The following MCF2L2 variants were observed in gnomAD, a reference collection of about 807,000 sequenced individuals.
MCF2L2 encodes MCF.2 cell line derived transforming sequence-like 2.
A neutral mutation model predicts 150.2 loss-of-function variants in MCF2L2; 102 were observed. The observed-to-expected ratio is 0.68, with a 90% CI of 0.58 to 0.80. MCF2L2 has a LOEUF of 0.80. Ranked by LOEUF, MCF2L2 falls within the 30% of genes least tolerant of loss-of-function variation. The pLI is 0.00. For synonymous variants in MCF2L2, 465 were observed against 491.3 expected (o/e 0.95, Z 0.71); for missense variants, 1,256 against 1,372.8 (o/e 0.91, Z 1.34).
At chr3:183,418,422 T>C (rs75678117) in intron 1 of MCF2L2, among the ~76,000 whole-genome samples, 23,111 of 152,096 alleles carry the variant, frequency 0.15, 2,679 homozygotes, top group African/African-American at 0.33. Flanking sequence ...CAAAACCAAT[T>C]ATGTCTTCCC....
Position 183,295,376 on chromosome 3 carries a change from T to C in MCF2L2, c.1599A>G (p.Pro533=), listed in dbSNP as rs1728438485. 1.2e-6 allele frequency: 2 copies of C among 1,614,072 alleles called. No individual in the cohort carries two copies. Among genetic ancestry groups the C allele is most frequent in the Non-Finnish European group, 1.7e-6 (2 of 1,179,972 alleles). Residue 533 remains proline (P), a synonymous_variant, in exon 13 of 30, where the codon CCA becomes CCG. Transcript: ENST00000328913. ...CAGGATGTGGGGCCACAGGTTGCACTGGACGAGTCTGTTTGGCTGCCAGTT... is the reference window on the plus strand; with the variant it reads ...CAGGATGTGGGGCCACAGGTTGCACCGGACGAGTCTGTTTGGCTGCCAGTT... The part of the protein sequence containing the change: ...LMKLAAKQTR[P]VQPVAPHPES...
At chr3:183,373,145 G>A (rs1415540967) in intron 3 of MCF2L2, 3 of 152,212 alleles carry the variant, frequency 2.0e-5, no homozygotes, top group Non-Finnish European at 1.5e-5. Context: ...ATTGTTATAA[G>A]CTGGACTGTG....
intron 14 of MCF2L2, among the ~76,000 whole-genome samples, chr3:183,286,032 G>A (rs1577024609): frequency 6.6e-6 from 1 of 152,194 alleles, no homozygotes; most frequent in Non-Finnish European, 1.5e-5. Context: ...GATGACGTCA[G>A]TGAGCCAAGT....
intron 5 of MCF2L2, among the ~76,000 whole-genome samples, chr3:183,332,214 T>G (rs996466072): frequency 6.6e-6 from 1 of 152,198 alleles, no homozygotes; most frequent in African/African-American, 2.4e-5. Context: ...AACTTCAGAC[T>G]CTGCCGTTTC....
At position 183,331,407 on chromosome 3, in the gene MCF2L2, C is replaced by T. The variant is rs192512278; in HGVS notation, c.486+7393G>A. 1.4e-4 allele frequency among the ~76,000 whole-genome samples: 21 copies of T among 152,270 alleles called. No individual in the cohort carries two copies. The East Asian group carries it at 4.0e-3, about 29-fold the overall frequency. Reference sequence around the variant, plus strand: ...TCCAAGCCTGTCTCTTCCTGTGGCCCCACCAACTTTACCATACGTGCATAT... The same window carrying T: ...TCCAAGCCTGTCTCTTCCTGTGGCCTCACCAACTTTACCATACGTGCATAT... On this transcript the variant is annotated intron_variant, in intron 5 of 29. Coordinates refer to ENST00000328913, the MANE Select transcript of MCF2L2 (RefSeq NM_015078.4).
intron 9 of MCF2L2, chr3:183,310,501 CA>C (rs770149863): frequency 5.8e-3 from 1,424 of 243,524 alleles, no homozygotes; most frequent in South Asian, 0.014. Context: ...GACTCCAACT[CA>C]AAAAAAAAAT....
At chr3:183,253,332 G>GC in intron 15 of MCF2L2, 1 of 150,108 alleles carries the variant, frequency 6.7e-6, no homozygotes, top group Non-Finnish European at 1.5e-5. Context: ...TTTAAAGCCC[G>GC]CAAGTTTTGT....
At chr3:183,318,415 A>C (rs1729685571) in intron 6 of MCF2L2, among the ~76,000 whole-genome samples, 198 bp from the exon 7 acceptor site, 2 of 152,284 alleles carry the variant, frequency 1.3e-5, no homozygotes, top group East Asian at 3.9e-4. Context: ...AGTTGACCAA[A>C]TGACTTTGGA....
chr3:183,335,240 T>C (rs1450346426), intron 5 of MCF2L2, among the ~76,000 whole-genome samples: 1 of 152,078 alleles, frequency 6.6e-6, no homozygotes, highest in Non-Finnish European at 1.5e-5. Context: ...CTTCTACATA[T>C]ATCTTGTATA....
chr3:183,359,447 T>A (rs1711995256), intron 3 of MCF2L2, among the ~76,000 whole-genome samples: 1 of 152,216 alleles, frequency 6.6e-6, no homozygotes, highest in Non-Finnish European at 1.5e-5. Context: ...ATTTTCTTAT[T>A]CTTTAACAAC....
At chr3:183,300,612 A>G (rs1161782203) in intron 10 of MCF2L2, among the ~76,000 whole-genome samples, 1 of 152,206 alleles carries the variant, frequency 6.6e-6, no homozygotes, top group Admixed American at 6.5e-5. Context: ...CTAAAGGAAC[A>G]AGAAGAGGGA....
chr3:183,290,145 C>T (rs1260976630), intron 13 of MCF2L2, among the ~76,000 whole-genome samples: 1 of 152,182 alleles, frequency 6.6e-6, no homozygotes, highest in African/African-American at 2.4e-5. Flanking sequence ...TCCTTACAGT[C>T]TTCTTTCAAA....
At chr3:183,352,972 T>C (rs1447282839) in intron 3 of MCF2L2, among the ~76,000 whole-genome samples, 1 of 152,178 alleles carries the variant, frequency 6.6e-6, no homozygotes, top group African/African-American at 2.4e-5. Context: ...CAGAAAATGT[T>C]CGATATGTTA....
chr3:183,310,658 G>C, intron 9 of MCF2L2: 1 of 402,744 alleles, frequency 2.5e-6, no homozygotes, highest in South Asian at 2.7e-5. Flanking sequence ...GCAAGACCCT[G>C]TTTCAAAAAA....
intron 1 of MCF2L2, among the ~76,000 whole-genome samples, chr3:183,397,862 A>G (rs1041668450): frequency 6.6e-6 from 1 of 152,314 alleles, no homozygotes; most frequent in South Asian, 2.1e-4. Context: ...GTTGCAAATG[A>G]CCATTAATAG....
chr3:183,386,888 G>A (rs563922431), intron 2 of MCF2L2, among the ~76,000 whole-genome samples: 337 of 152,282 alleles, frequency 2.2e-3, no homozygotes, highest in African/African-American at 7.7e-3. Flanking sequence ...AGAGACCCAC[G>A]GCTGCCGCTA....
chr3:183,288,012 G>A (rs1358468665), intron 14 of MCF2L2: 1 of 152,202 alleles, frequency 6.6e-6, no homozygotes, highest in Admixed American at 6.5e-5. Context: ...TAGTGAGGCA[G>A]GGGAAAGGGA....
At chr3:183,365,964 C>CAT (rs1293625299) in intron 3 of MCF2L2, among the ~76,000 whole-genome samples, 2 of 151,374 alleles carry the variant, frequency 1.3e-5, no homozygotes, top group Non-Finnish European at 2.9e-5. Flanking sequence ...CAATTCAGTA[C>CAT]ATATATATAT....
intron 6 of MCF2L2, among the ~76,000 whole-genome samples, chr3:183,321,689 A>G (rs889829539): frequency 6.6e-6 from 1 of 152,198 alleles, no homozygotes; most frequent in African/African-American, 2.4e-5. Flanking sequence ...GTGTGTGTAT[A>G]AAAAATATAT....
Sources: gnomAD v4.1 joint callset for allele counts (sites outside exome capture counted in the v4.1 genomes callset) on GRCh38, gnomAD v4.1.1 for gene constraint, MANE v1.5 for transcripts, NCBI Gene and HGNC (gene_info 2026-07-23, HGNC 2026-07-21) for gene names.